Variants in KNDC1 observed in about 807,000 individuals in gnomAD.
KNDC1 encodes the protein kinase non-catalytic C-lobe domain containing 1, also known as kinase non-catalytic C-lobe domain-containing protein 1.
KNDC1 carries 106 observed loss-of-function variants against 172.8 expected under a neutral mutation model. The observed-to-expected ratio is 0.61, with a 90% CI of 0.52 to 0.72. The LOEUF (loss-of-function observed/expected upper bound fraction) is 0.72, where lower values mean the gene tolerates loss of function less well. Ranked by LOEUF, KNDC1 falls within the 30% of genes least tolerant of loss-of-function variation. KNDC1 has a pLI of 0.00. For synonymous variants in KNDC1, 1,083 were observed against 1,062.2 expected (o/e 1.02, Z -0.38); for missense variants, 2,325 against 2,394.5 (o/e 0.97, Z 0.61).
At chr10:133,217,058 G>A (rs1026822525) in intron 26 of KNDC1, among the ~76,000 whole-genome samples, 1 of 152,262 alleles carries the variant, frequency 6.6e-6, no homozygotes. Context: ...AACGGGGACC[G>A]AGTTTCCGTT....
chr10:133,177,031 C>T (rs1853555381), intron 3 of KNDC1, among the ~76,000 whole-genome samples: 1 of 152,190 alleles, frequency 6.6e-6, no homozygotes, highest in Non-Finnish European at 1.5e-5. Flanking sequence ...TGGCAGCTGA[C>T]CCAGCCCACA....
At chr10:133,177,205 ATAGT>A (rs1259064906) in intron 3 of KNDC1, among the ~76,000 whole-genome samples, 12 of 79,860 alleles carry the variant, frequency 1.5e-4, no homozygotes, top group East Asian at 2.5e-4. Context: ...TGTATGTAGT[ATAGT>A]GTGTGTGTGC....
chr10:133,183,271 G>A (rs1273621626), intron 3 of KNDC1, 73 bp from the exon 4 acceptor site: 31 of 1,461,036 alleles, frequency 2.1e-5, no homozygotes, highest in African/African-American at 5.7e-5. Flanking sequence ...CTCCTGGCCC[G>A]GAGAAGTGCT....
In KNDC1 at chr10:133,218,949, C is replaced by A. The variant is rs779678120; in HGVS notation, c.4796C>A (p.Ser1599Tyr). ...CTGGAGCACCTGGCCGTGAGGCAGT[C>A]CCCTGTGCGTCCCCCTCGGGCCCCA... ...SGLEHLAVRQSPAWRILPAKI... is the reference protein window; with the variant it reads ...SGLEHLAVRQYPAWRILPAKI... Residue 1599 changes from serine to tyrosine, a missense_variant, in exon 27 of 30, where the codon TCC becomes TAC. Coordinates refer to ENST00000304613, the MANE Select transcript of KNDC1 (RefSeq NM_152643.8). 6.2e-7 allele frequency: 1 copy of A among 1,613,646 alleles called. No homozygotes were observed. The highest frequency in any genetic ancestry group is 1.3e-5 in the African/African-American group (1 of 74,948).
At chr10:133,206,986 G>A (rs1300168634) in intron 19 of KNDC1, 33 bp downstream of exon 19, 1 of 1,596,864 alleles carries the variant, frequency 6.3e-7, no homozygotes, top group African/African-American at 1.3e-5. Flanking sequence ...TCTGCCCCGT[G>A]AGGCAGTAGC....
chr10:133,176,213 TGATA>T (rs753261789), intron 3 of KNDC1, among the ~76,000 whole-genome samples: 3 of 150,032 alleles, frequency 2.0e-5, no homozygotes, highest in African/African-American at 4.9e-5. Context: ...GAGGATGGGT[TGATA>T]GATGGGTGGA....
At chr10:133,168,791 C>T (rs774430198) in intron 3 of KNDC1, among the ~76,000 whole-genome samples, 12 of 152,208 alleles carry the variant, frequency 7.9e-5, no homozygotes, top group Non-Finnish European at 1.3e-4. Context: ...TGGGTATGGG[C>T]GTGGGCATGG....
At chr10:133,166,886 C>G (rs920718184) in intron 1 of KNDC1, among the ~76,000 whole-genome samples, 1 of 152,132 alleles carries the variant, frequency 6.6e-6, no homozygotes, top group Non-Finnish European at 1.5e-5. Context: ...TGACTGTGTC[C>G]TCCGTGTGAA....
chr10:133,195,488 G>C (rs1854163691), intron 9 of KNDC1, among the ~76,000 whole-genome samples, 175 bp from the exon 10 acceptor site: 2 of 152,222 alleles, frequency 1.3e-5, no homozygotes. Flanking sequence ...ACGACCTGGA[G>C]GCGGATGCAG....
At chr10:133,184,343 C>T (rs1853825890) in intron 5 of KNDC1, among the ~76,000 whole-genome samples, 1 of 117,394 alleles carries the variant, frequency 8.5e-6, no homozygotes, top group Admixed American at 8.5e-5. Context: ...TGCACATGTG[C>T]TGCACACACG....
At chr10:133,170,364 G>T (rs1028796366) in intron 3 of KNDC1, among the ~76,000 whole-genome samples, 9 of 151,650 alleles carry the variant, frequency 5.9e-5, no homozygotes, top group African/African-American at 1.5e-4. Flanking sequence ...GGGATCTGGG[G>T]TCTGGCCTGG....
intron 3 of KNDC1, among the ~76,000 whole-genome samples, chr10:133,170,918 G>A (rs761206321): frequency 3.5e-4 from 53 of 152,040 alleles, no homozygotes; most frequent in Non-Finnish European, 5.9e-4. Flanking sequence ...GGCAAATGCC[G>A]TCTCGGCATC....
At chr10:133,222,402 C>G (rs1347656935) in intron 29 of KNDC1, among the ~76,000 whole-genome samples, 1 of 152,010 alleles carries the variant, frequency 6.6e-6, no homozygotes, top group Non-Finnish European at 1.5e-5. Context: ...CCCTTCTCAG[C>G]ATCCCCATGT....
chr10:133,189,212 A>G (rs1233152974), intron 7 of KNDC1, among the ~76,000 whole-genome samples: 1 of 152,114 alleles, frequency 6.6e-6, no homozygotes, highest in Non-Finnish European at 1.5e-5. Flanking sequence ...GGGAGAGGCC[A>G]TCGGAGACAC....
In KNDC1 at chr10:133,198,979, G is replaced by A. The variant is rs748412484; in HGVS notation, c.2471G>A (p.Gly824Asp). 1 of 1,548,168 alleles carries A rather than the reference G, an allele frequency of 6.5e-7. No homozygotes were observed. Among genetic ancestry groups the A allele is most frequent in the Non-Finnish European group, 8.7e-7 (1 of 1,150,894 alleles). Residue 824 changes from glycine to aspartate, a missense_variant, in exon 14 of 30, where the codon GGC becomes GAC. Coordinates refer to ENST00000304613, the MANE Select transcript of KNDC1 (RefSeq NM_152643.8). ...DALGPTTAHH[G>D]PRHPPKPPRS... ...CTGGGGCCCACCACGGCCCACCACG[G>A]CCCACGCCACCCGCCCAAGCCCCCA...
intron 1 of KNDC1, among the ~76,000 whole-genome samples, chr10:133,164,512 G>A (rs993076636): frequency 1.3e-5 from 2 of 152,216 alleles, no homozygotes; most frequent in Admixed American, 6.5e-5. Context: ...GACAGGCGTC[G>A]GCCAGCTGAG....
At chr10:133,182,333 C>T (rs1331441227) in intron 3 of KNDC1, among the ~76,000 whole-genome samples, 1 of 151,962 alleles carries the variant, frequency 6.6e-6, no homozygotes, top group Non-Finnish European at 1.5e-5. Flanking sequence ...GCCCAGGACG[C>T]AGGTGCATGT....
In KNDC1 at chr10:133,160,541, A is replaced by G. The variant is rs1024274429; in HGVS notation, c.74A>G (p.Glu25Gly). The G allele has an allele frequency of 6.3e-7, 1 of 1,585,200 alleles. No individual in the cohort carries two copies. The highest frequency in any genetic ancestry group is 2.3e-5 in the East Asian group (1 of 43,316). Residue 25 changes from glutamate (E) to glycine (G), a missense_variant, in exon 1 of 30, where the codon GAG (glutamate) becomes GGG (glycine). By Grantham distance (98) the Glu-to-Gly change is moderately conservative (BLOSUM62 -2). Coordinates refer to ENST00000304613, the MANE Select transcript of KNDC1 (RefSeq NM_152643.8). ...DGKDLDFYDF[E>G]PLPTLPEDEE... ...AAAGACCTGGACTTCTACGACTTCG[A>G]GCCGCTGCCCACCCTCCCCGAGGAC...
intron 26 of KNDC1, among the ~76,000 whole-genome samples, chr10:133,215,943 C>T (rs1408917327): frequency 6.6e-6 from 1 of 152,250 alleles, no homozygotes; most frequent in Non-Finnish European, 1.5e-5. Flanking sequence ...AGGCCCCTCA[C>T]CTCCTCACGG....
Sources: allele counts gnomAD v4.1 joint callset (sites outside exome capture counted in the v4.1 genomes callset), GRCh38; gene constraint gnomAD v4.1.1; transcripts MANE v1.5; gene names NCBI Gene and HGNC (gene_info 2026-07-23, HGNC 2026-07-21).